Variants in QTRT2 observed in about 807,000 individuals in gnomAD.
QTRT2 encodes queuine tRNA-ribosyltransferase domain containing 1.
A neutral mutation model predicts 44.8 loss-of-function variants in QTRT2; 32 were observed. That is an observed-to-expected ratio of 0.71 (90% CI 0.54 to 0.96). The LOEUF (loss-of-function observed/expected upper bound fraction) is 0.96, where lower values mean the gene tolerates loss of function less well. QTRT2 is among the 40% of genes least tolerant of loss of function. QTRT2 has a pLI of 0.00. For missense variants in QTRT2, 461 were observed against 503.1 expected (o/e 0.92, Z 0.80); for synonymous variants, 182 against 187.4 (o/e 0.97, Z 0.24).
chr3:114,057,142 C>T (rs895366708), intron 2 of QTRT2, 36 bp downstream of exon 2: 56 of 1,166,008 alleles, frequency 4.8e-5, no homozygotes, highest in Non-Finnish European at 6.0e-5. Context: ...CCGAACTGCC[C>T]ATGGGAGGGT....
chr3:114,068,445 A>C, intron 5 of QTRT2: 1 of 235,830 alleles, frequency 4.2e-6, no homozygotes, highest in Non-Finnish European at 8.7e-6. Flanking sequence ...CACATGTATA[A>C]CTATATATAG....
chr3:114,080,138 A>G (rs2107804298), intron 8 of QTRT2, 81 bp downstream of exon 8: 2 of 1,081,016 alleles, frequency 1.9e-6, no homozygotes, highest in East Asian at 2.5e-5. Flanking sequence ...CAAGACAGAA[A>G]TATGTATATA....
chr3:114,084,060 CTTT>C (rs36088762), intron 9 of QTRT2, among the ~76,000 whole-genome samples: 8 of 134,756 alleles, frequency 5.9e-5, no homozygotes, highest in Admixed American at 1.5e-4. Flanking sequence ...TCACTTTTTT[CTTT>C]TTTTTTTTTT....
In QTRT2 at chr3:114,086,003, A is replaced by G. The variant is rs1344064521; in HGVS notation, c.*99A>G. ...GAAATAATCTGAGCTTTAATTATTT[A>G]TATTTGGATATAAGGTCTGCTTAAA... On this transcript the variant is annotated 3_prime_UTR_variant, in exon 10 of 10. Transcript: ENST00000281273. 2 of 940,838 alleles carry G rather than the reference A, an allele frequency of 2.1e-6. No individual in the cohort carries two copies. Among genetic ancestry groups the G allele is most frequent in the Non-Finnish European group, 3.3e-6 (2 of 601,382 alleles). The allele number at this position is 940,838 out of a possible 1,614,324, so 58.3% of individuals were successfully genotyped here.
At chr3:114,070,592 C>A in intron 5 of QTRT2, 34 bp from the exon 6 acceptor site, 1 of 1,550,682 alleles carries the variant, frequency 6.4e-7, no homozygotes, top group Non-Finnish European at 8.9e-7. Context: ...GCATTTTACT[C>A]TTGCTAATTC....
intron 6 of QTRT2, 24 bp downstream of exon 6, chr3:114,070,862 C>G (rs753827046): frequency 1.3e-6 from 2 of 1,593,916 alleles, no homozygotes; most frequent in Admixed American, 1.7e-5. Flanking sequence ...ACTAACCACT[C>G]CTTTCTCTTG....
Position 114,058,135 on chromosome 3 carries a change from A to G in QTRT2, c.-22+1029A>G, listed in dbSNP as rs561655047. On this transcript the variant is annotated intron_variant, in intron 2 of 9. Coordinates refer to ENST00000281273, the MANE Select transcript of QTRT2 (RefSeq NM_024638.4). Reference sequence around the variant, plus strand: ...ATCTGAGGATTAATGGAGTGAATATATAAAGAACAGTGCTTAATACATAGT... The same window carrying G: ...ATCTGAGGATTAATGGAGTGAATATGTAAAGAACAGTGCTTAATACATAGT... Among the ~76,000 whole-genome samples the G allele has an allele frequency of 6.6e-5, 10 of 152,380 alleles. No homozygotes were observed. In the East Asian group the frequency reaches 1.9e-3, roughly 29 times the overall value.
At chr3:114,067,238 A>G (rs2076966206) in intron 4 of QTRT2, among the ~76,000 whole-genome samples, 1 of 152,236 alleles carries the variant, frequency 6.6e-6, no homozygotes, top group South Asian at 2.1e-4. Context: ...ATATAATTAA[A>G]TGAAAATAGC....
intron 5 of QTRT2, 129 bp from the exon 6 acceptor site, chr3:114,070,497 C>A: frequency 1.3e-6 from 1 of 757,304 alleles, no homozygotes; most frequent in Non-Finnish European, 2.1e-6. Context: ...TATTACCCAC[C>A]ATGTCTGGAT....
At chr3:114,062,784 G>A (rs1346899214) in intron 2 of QTRT2, among the ~76,000 whole-genome samples, 2 of 152,178 alleles carry the variant, frequency 1.3e-5, no homozygotes, top group Non-Finnish European at 2.9e-5. Flanking sequence ...GATAATAAAA[G>A]TAACATTCTA....
intron 2 of QTRT2, among the ~76,000 whole-genome samples, chr3:114,060,965 G>A (rs2107784117): frequency 6.6e-6 from 1 of 152,314 alleles, no homozygotes; most frequent in Non-Finnish European, 1.5e-5. Context: ...CACGTCCTGG[G>A]TGGAACAGAG....
In QTRT2 at chr3:114,086,150, T is replaced by G. The variant is rs964494979; in HGVS notation, c.*246T>G. On this transcript the variant is annotated 3_prime_UTR_variant, in exon 10 of 10. Coordinates refer to ENST00000281273, the MANE Select transcript of QTRT2 (RefSeq NM_024638.4). ...CCTTTAAGACTTCTAGACTAATTCTTTTAGTTGATAGAGATTCATTTAGTC... is the reference window on the plus strand; with the variant it reads ...CCTTTAAGACTTCTAGACTAATTCTGTTAGTTGATAGAGATTCATTTAGTC... The G allele has an allele frequency of 1.3e-5, 6 of 445,184 alleles. No individual in the cohort carries two copies. Among genetic ancestry groups the G allele is most frequent in the African/African-American group, 2.0e-5 (1 of 50,232 alleles). 27.6% of individuals were successfully genotyped at this position (445,184 alleles called of 1,614,324 possible). A position where few individuals can be genotyped will look rare whatever the true frequency, so the allele number is the denominator to read the frequency against.
At chr3:114,078,016 A>C (rs1445471192) in intron 7 of QTRT2, 2 of 152,150 alleles carry the variant, frequency 1.3e-5, no homozygotes, top group Non-Finnish European at 1.5e-5. Flanking sequence ...TTTTTTAAAG[A>C]TCCAAGTACA....
chr3:114,085,639 A>G, intron 9 of QTRT2, 34 bp from the exon 10 acceptor site: 1 of 1,561,546 alleles, frequency 6.4e-7, no homozygotes, highest in Non-Finnish European at 8.8e-7. Context: ...TGTATTCCGT[A>G]CTTTCTGGAA....
At chr3:114,066,649 C>T (rs2076957591) in intron 4 of QTRT2, 1 of 161,994 alleles carries the variant, frequency 6.2e-6, no homozygotes, top group Non-Finnish European at 1.3e-5. Context: ...TTGTTTACGC[C>T]TCCATAAAAA....
In QTRT2 at chr3:114,085,747, T is replaced by C. The variant is rs1373073207; in HGVS notation, c.1091T>C (p.Ile364Thr). ...YCCKNHTRAY[I>T]HHLLVTNELL... ...TGTAAGAATCACACTCGGGCATACATCCACCATCTGCTGGTGACCAATGAG... is the reference window on the plus strand; with the variant it reads ...TGTAAGAATCACACTCGGGCATACACCCACCATCTGCTGGTGACCAATGAG... Residue 364 changes from isoleucine (I) to threonine (T), a missense_variant, in exon 10 of 10, where the codon ATC becomes ACC. Transcript: ENST00000281273. 1 of 1,614,218 alleles carries C rather than the reference T, an allele frequency of 6.2e-7. No individual in the cohort carries two copies. The highest frequency in any genetic ancestry group is 8.5e-7 in the Non-Finnish European group (1 of 1,180,040).
chr3:114,082,239 C>T lies in QTRT2; in HGVS notation c.899-438C>T, dbSNP rs1261623706. Among the ~76,000 whole-genome samples, 6 of 132,848 alleles carry T rather than the reference C, an allele frequency of 4.5e-5. No homozygotes were observed. The South Asian group carries it at 1.2e-3, about 26-fold the overall frequency. The allele number at this position is 132,848 out of a possible 152,430, so 87.2% of individuals were successfully genotyped here. On this transcript the variant is annotated intron_variant, in intron 8 of 9. Coordinates refer to ENST00000281273, the MANE Select transcript of QTRT2 (RefSeq NM_024638.4). Reference sequence around the variant, plus strand: ...ACACACACACACACACACACACACACACACACACACACACGCAACCAACAG... The same window carrying T: ...ACACACACACACACACACACACACATACACACACACACACGCAACCAACAG...
Position 114,063,613 on chromosome 3 carries a change from A to G in QTRT2, c.-21-1624A>G, listed in dbSNP as rs566378476. Among the ~76,000 whole-genome samples the G allele has an allele frequency of 1.3e-3, 196 of 152,208 alleles. 2 individuals are homozygous for G. The highest frequency in any genetic ancestry group is 4.5e-3 in the African/African-American group (187 of 41,558). ...AACTTGAAATAATGATCTCATAGTT[A>G]TAGAAAATTGACCAGGCTTTCATCA... On this transcript the variant is annotated intron_variant, in intron 2 of 9. Coordinates refer to ENST00000281273, the MANE Select transcript of QTRT2 (RefSeq NM_024638.4).
chr3:114,064,807 C>T lies in QTRT2; in HGVS notation c.-21-430C>T, dbSNP rs145050984. On this transcript the variant is annotated intron_variant, in intron 2 of 9. Transcript: ENST00000281273. Reference sequence around the variant, plus strand: ...AGGAAAAAATTGCTATATTGCTTAGCCTTCCCTCAAATTGGAGAAAGAAAA... The same window carrying T: ...AGGAAAAAATTGCTATATTGCTTAGTCTTCCCTCAAATTGGAGAAAGAAAA... Among the ~76,000 whole-genome samples the T allele has an allele frequency of 5.0e-3, 765 of 152,212 alleles. 8 individuals carry two copies. Among genetic ancestry groups the T allele is most frequent in the African/African-American group, 0.017 (692 of 41,532 alleles).
Sources: allele counts gnomAD v4.1 joint callset (sites outside exome capture counted in the v4.1 genomes callset), GRCh38; gene constraint gnomAD v4.1.1; transcripts MANE v1.5; gene names NCBI Gene and HGNC (gene_info 2026-07-23, HGNC 2026-07-21).